FGF10: variants seen among roughly 807,000 people sequenced by gnomAD.
FGF10 encodes fibroblast growth factor 10, also known as FGF-10.
Under a neutral mutation model 19.8 loss-of-function variants are expected in FGF10, and 2 were observed. The observed-to-expected ratio is 0.10, with a 90% CI of 0.04 to 0.32. FGF10 has a LOEUF of 0.32. FGF10 is among the 10% of genes least tolerant of loss of function. The probability of loss-of-function intolerance (pLI) is 1.00; values close to 1 mark genes in which losing one functional copy is unlikely to be tolerated. For missense variants in FGF10, 191 were observed against 246.3 expected (o/e 0.78, Z 1.50); for synonymous variants, 112 against 94.0 (o/e 1.19, Z -1.10).
chr5:44,371,675 T>C (rs951133804), intron 1 of FGF10, among the ~76,000 whole-genome samples: 1 of 152,156 alleles, frequency 6.6e-6, no homozygotes, highest in Non-Finnish European at 1.5e-5. Flanking sequence ...TTGTAGTGCC[T>C]AGCAGTCAAG....
At chr5:44,338,808 T>A (rs1216190376) in intron 1 of FGF10, among the ~76,000 whole-genome samples, 4 of 152,192 alleles carry the variant, frequency 2.6e-5, no homozygotes, top group Non-Finnish European at 4.4e-5. Flanking sequence ...AGTATCAAAG[T>A]CAAAAGAATG....
At chr5:44,317,666 CCATCTAATA>C (rs1427698663) in intron 1 of FGF10, among the ~76,000 whole-genome samples, 1 of 152,084 alleles carries the variant, frequency 6.6e-6, no homozygotes, top group East Asian at 1.9e-4. Context: ...TTGCAGATGA[CCATCTAATA>C]GGTTTCTTCA....
chr5:44,322,918 A>G (rs1375060010), intron 1 of FGF10, among the ~76,000 whole-genome samples: 1 of 152,102 alleles, frequency 6.6e-6, no homozygotes, highest in Non-Finnish European at 1.5e-5. Flanking sequence ...AATCCCCCTG[A>G]CACCATCTCC....
At chr5:44,379,475 G>A (rs186213247) in intron 1 of FGF10, among the ~76,000 whole-genome samples, 10 of 152,282 alleles carry the variant, frequency 6.6e-5, no homozygotes, top group African/African-American at 2.2e-4. Context: ...TTACCTCGCA[G>A]TTTGCCTACA....
At chr5:44,358,681 C>A (rs1404785509) in intron 1 of FGF10, among the ~76,000 whole-genome samples, 2 of 151,462 alleles carry the variant, frequency 1.3e-5, no homozygotes, top group Non-Finnish European at 3.0e-5. Flanking sequence ...ACAGCCCAGG[C>A]TGTACCCCAG....
intron 1 of FGF10, among the ~76,000 whole-genome samples, chr5:44,379,579 C>T (rs1359367482): frequency 6.6e-6 from 1 of 152,186 alleles, no homozygotes. Context: ...ATCATACCTC[C>T]TCTTTAGCAG....
In FGF10 at chr5:44,389,133, C is replaced by T. The variant is rs943478425; in HGVS notation, c.-451G>A. ...GGAATAGGGGGAGATATCTGCACCC[C>T]TCTGCGGTTGGCACCTTCTGGTCTC... On this transcript the variant is annotated 5_prime_UTR_variant, in exon 1 of 3. Coordinates refer to ENST00000264664, the MANE Select transcript of FGF10 (RefSeq NM_004465.2). 2.7e-5 allele frequency: 7 copies of T among 261,484 alleles called. No homozygotes were observed. Among genetic ancestry groups the T allele is most frequent in the Non-Finnish European group, 4.6e-5 (6 of 131,778 alleles). 16.2% of individuals were successfully genotyped at this position (261,484 alleles called of 1,614,324 possible).
intron 1 of FGF10, among the ~76,000 whole-genome samples, chr5:44,360,019 G>T (rs1173381516): frequency 1.3e-5 from 2 of 149,864 alleles, no homozygotes; most frequent in Non-Finnish European, 3.0e-5. Flanking sequence ...AGAACCCTAA[G>T]AGTTGCCCTT....
Position 44,301,464 on chromosome 5 carries a change from T to G in FGF10, c.*3531A>C, listed in dbSNP as rs1739962398. Reference sequence around the variant, plus strand: ...TGGAAGCAACTTGCATTATTATGTATTTTTTCTCTCTAATTTTCAAATCAA... The same window carrying G: ...TGGAAGCAACTTGCATTATTATGTAGTTTTTCTCTCTAATTTTCAAATCAA... On this transcript the variant is annotated 3_prime_UTR_variant, in exon 3 of 3. Coordinates refer to ENST00000264664, the MANE Select transcript of FGF10 (RefSeq NM_004465.2). Among the ~76,000 whole-genome samples the G allele has an allele frequency of 7.6e-6, 1 of 131,098 alleles. No homozygotes were observed. Among genetic ancestry groups the G allele is most frequent in the Non-Finnish European group, 1.8e-5 (1 of 54,752 alleles). 86.0% of individuals were successfully genotyped at this position (131,098 alleles called of 152,430 possible).
intron 1 of FGF10, among the ~76,000 whole-genome samples, chr5:44,337,687 A>G (rs534360396): frequency 6.6e-6 from 1 of 152,346 alleles, no homozygotes; most frequent in East Asian, 1.9e-4. Flanking sequence ...CACGCCTGTA[A>G]TCCCAGCACT....
intron 1 of FGF10, among the ~76,000 whole-genome samples, chr5:44,364,749 A>G (rs977462983): frequency 6.6e-6 from 1 of 151,954 alleles, no homozygotes; most frequent in African/African-American, 2.4e-5. Flanking sequence ...AACATCATAC[A>G]TGTAAAATGA....
intron 1 of FGF10, among the ~76,000 whole-genome samples, chr5:44,330,987 A>C (rs1328697352): frequency 1.3e-5 from 2 of 152,116 alleles, no homozygotes; most frequent in Non-Finnish European, 2.9e-5. Flanking sequence ...TAATGGTGAG[A>C]TCATGGGGAA....
rs149890806 is a variant in FGF10, at chr5:44,305,554, G to A, written c.430-362C>T. On this transcript the variant is annotated intron_variant, in intron 2 of 2. Coordinates refer to ENST00000264664, the MANE Select transcript of FGF10 (RefSeq NM_004465.2). Reference sequence around the variant, plus strand: ...CAGTAATAAAGAATAGTGTTATAATGCTTCTTTTACAGTAATAACCAGGGG... The same window carrying A: ...CAGTAATAAAGAATAGTGTTATAATACTTCTTTTACAGTAATAACCAGGGG... Among the ~76,000 whole-genome samples, 544 of 152,132 alleles carry A rather than the reference G, an allele frequency of 3.6e-3. 4 individuals carry two copies. The highest frequency in any genetic ancestry group is 2.8e-3 in the Non-Finnish European group (190 of 68,010).
chr5:44,350,019 A>C (rs1741196661), intron 1 of FGF10, among the ~76,000 whole-genome samples: 1 of 151,044 alleles, frequency 6.6e-6, no homozygotes, highest in Admixed American at 6.6e-5. Flanking sequence ...CAACAGGTTC[A>C]TTCCTTTTTT....
At chr5:44,350,779 A>G (rs1045114041) in intron 1 of FGF10, among the ~76,000 whole-genome samples, 14 of 151,220 alleles carry the variant, frequency 9.3e-5, no homozygotes, top group African/African-American at 3.4e-4. Flanking sequence ...CAAAGAGATT[A>G]TTAAATTACT....
At chr5:44,371,521 T>C (rs1437254078) in intron 1 of FGF10, among the ~76,000 whole-genome samples, 2 of 152,060 alleles carry the variant, frequency 1.3e-5, no homozygotes, top group African/African-American at 4.8e-5. Flanking sequence ...TTCCCATTGG[T>C]TTAGCGCCTA....
At chr5:44,308,032 C>T (rs1740123244) in intron 2 of FGF10, among the ~76,000 whole-genome samples, 1 of 152,178 alleles carries the variant, frequency 6.6e-6, no homozygotes, top group Admixed American at 6.5e-5. Context: ...AGACTGACCT[C>T]ACTCTCTCCA....
At chr5:44,309,435 A>G (rs1292458285) in intron 2 of FGF10, among the ~76,000 whole-genome samples, 1 of 152,114 alleles carries the variant, frequency 6.6e-6, no homozygotes, top group East Asian at 1.9e-4. Context: ...GCTATAGCTG[A>G]TCCTTTCATA....
chr5:44,376,514 AAAAC>A lies in FGF10; in HGVS notation c.325+11840_325+11843del, dbSNP rs1339482280. On this transcript the variant is annotated intron_variant, in intron 1 of 2. Transcript: ENST00000264664. ...CCAAAAAAAAAAAAAAAAAAAAAAA[AAAAC>A]AAAAAACCCACAACTAGAGCAAGAA... Among the ~76,000 whole-genome samples the A allele has an allele frequency of 3.7e-4, 49 of 131,630 alleles. 1 individual carries two copies. Among genetic ancestry groups the A allele is most frequent in the South Asian group, 1.4e-3 (6 of 4,330 alleles). The allele number at this position is 131,630 out of a possible 152,430, so 86.4% of individuals were successfully genotyped here.
Sources: gnomAD v4.1 joint callset for allele counts (sites outside exome capture counted in the v4.1 genomes callset) on GRCh38, gnomAD v4.1.1 for gene constraint, MANE v1.5 for transcripts, NCBI Gene and HGNC (gene_info 2026-07-23, HGNC 2026-07-21) for gene names.